ADGRG6: variants seen among roughly 807,000 people sequenced by gnomAD.
ADGRG6 encodes the protein G-protein coupled receptor 126.
In ADGRG6, 84 loss-of-function variants were observed where a neutral mutation model predicts 142.4. That is an observed-to-expected ratio of 0.59 (90% CI 0.49 to 0.71). ADGRG6 has a LOEUF of 0.71. ADGRG6 is among the 30% of genes least tolerant of loss of function. The pLI, the probability that ADGRG6 is intolerant of heterozygous loss-of-function variation, is 0.00. For missense variants in ADGRG6, 1,367 were observed against 1,466.6 expected, an observed-to-expected ratio of 0.93 and a Z score of 1.11; for synonymous variants, 521 against 520.5, an observed-to-expected ratio of 1.00 and a Z score of -0.01.
intron 17 of ADGRG6, 129 bp from the exon 18 acceptor site, chr6:142,411,176 G>T: frequency 3.4e-6 from 2 of 583,056 alleles, no homozygotes; most frequent in Non-Finnish European, 6.3e-6. Flanking sequence ...TTTCATAATG[G>T]TATCCATTTT....
chr6:142,341,674 C>CAT (rs1467556923), intron 2 of ADGRG6, among the ~76,000 whole-genome samples: 2 of 125,836 alleles, frequency 1.6e-5, no homozygotes, highest in Non-Finnish European at 3.2e-5. Flanking sequence ...TATAATATTA[C>CAT]ATATATATAA....
intron 2 of ADGRG6, among the ~76,000 whole-genome samples, chr6:142,324,168 TA>T (rs528792431): frequency 5.9e-4 from 90 of 152,200 alleles, no homozygotes; most frequent in African/African-American, 2.1e-3. Flanking sequence ...TCAGCTTCTG[TA>T]AAACAGAAAA....
At chr6:142,393,341 G>T (rs1303848243) in intron 8 of ADGRG6, among the ~76,000 whole-genome samples, 2 of 152,096 alleles carry the variant, frequency 1.3e-5, no homozygotes, top group Non-Finnish European at 2.9e-5. Flanking sequence ...CTGGTTGTGT[G>T]TACCCATTTC....
intron 24 of ADGRG6, among the ~76,000 whole-genome samples, chr6:142,441,117 A>T (rs895802358): frequency 6.6e-6 from 1 of 152,314 alleles, no homozygotes; most frequent in African/African-American, 2.4e-5. Flanking sequence ...GAAGTTTTGA[A>T]TGATAGTGTG....
chr6:142,310,955 TTCATTTTTGTTAGG>T (rs111429861), intron 2 of ADGRG6, among the ~76,000 whole-genome samples: 2,926 of 152,028 alleles, frequency 0.019, 94 homozygotes, highest in African/African-American at 0.067. Context: ...TCTGTTTACT[TTCATTTTTGTTAGG>T]TCATGTATTT....
At chr6:142,385,732 G>T (rs1327524693) in intron 6 of ADGRG6, among the ~76,000 whole-genome samples, 2 of 151,992 alleles carry the variant, frequency 1.3e-5, no homozygotes, top group Admixed American at 1.3e-4. Context: ...AAGTATTAGA[G>T]ACAGACTATA....
In ADGRG6 at chr6:142,370,137, C is replaced by T. The variant is rs181997455; in HGVS notation, c.446-33C>T. 5.2e-6 allele frequency: 8 copies of T among 1,552,048 alleles called. No homozygotes were observed. The African/African-American group carries it at 1.1e-4, about 21-fold the overall frequency. On this transcript the variant is annotated intron_variant, in intron 3 of 24. Coordinates refer to ENST00000367609, the MANE Select transcript of ADGRG6 (RefSeq NM_198569.3). ...ACATTAGTCTGTGTTCTGAAGTTAA[C>T]AGGTTTATCTTTCTTGTTATGTTTT... is the stretch of plus-strand genomic sequence containing the variant.
chr6:142,404,709 C>T (rs1019211707), intron 14 of ADGRG6, among the ~76,000 whole-genome samples: 1 of 152,050 alleles, frequency 6.6e-6, no homozygotes, highest in Non-Finnish European at 1.5e-5. Flanking sequence ...ATTTCTGGGA[C>T]CTACTCCAGG....
intron 1 of ADGRG6, 112 bp downstream of exon 1, chr6:142,302,443 C>T (rs2114464266): frequency 8.9e-7 from 1 of 1,127,932 alleles, no homozygotes; most frequent in Non-Finnish European, 1.3e-6. Flanking sequence ...ATAAGGACTT[C>T]AACTGCACGG....
chr6:142,379,684 G>A (rs971998578), intron 4 of ADGRG6, among the ~76,000 whole-genome samples: 6 of 152,164 alleles, frequency 3.9e-5, no homozygotes, highest in South Asian at 2.1e-4. Flanking sequence ...GGAGAATGGC[G>A]GGAACCCGGG....
intron 11 of ADGRG6, among the ~76,000 whole-genome samples, chr6:142,401,516 G>A (rs1460907009): frequency 1.3e-5 from 2 of 152,064 alleles, no homozygotes; most frequent in African/African-American, 4.8e-5. Flanking sequence ...AGAATTTTTA[G>A]CATGAAATTT....
Position 142,381,319 on chromosome 6 carries a change from T to C in ADGRG6, c.1070-632T>C, listed in dbSNP as rs192432030. On this transcript the variant is annotated intron_variant, in intron 4 of 24. Transcript: ENST00000367609. ...GTTTATGATACAATATGCTTTGTTA[T>C]AAGCTTAGCCAATTTTTCTCAGACT... Among the ~76,000 whole-genome samples the C allele has an allele frequency of 1.2e-3, 180 of 152,346 alleles. 1 individual carries two copies. Among genetic ancestry groups the C allele is most frequent in the Non-Finnish European group, 2.9e-4 (20 of 68,024 alleles).
intron 17 of ADGRG6, 73 bp from the exon 18 acceptor site, chr6:142,411,232 A>G (rs1030810494): frequency 9.8e-5 from 80 of 816,050 alleles, no homozygotes; most frequent in Non-Finnish European, 4.4e-5. Context: ...AAATTTCTCT[A>G]TAGAAGGTCT....
At chr6:142,370,814 T>C (rs921460509) in intron 4 of ADGRG6, 21 bp downstream of exon 4, 35 of 171,626 alleles carry the variant, frequency 2.0e-4, no homozygotes, top group African/African-American at 1.0e-3. Flanking sequence ...AGCGTATTCC[T>C]TTTTTTTTTT....
At chr6:142,308,448 C>T (rs1480174983) in intron 1 of ADGRG6, among the ~76,000 whole-genome samples, 2 of 151,932 alleles carry the variant, frequency 1.3e-5, no homozygotes, top group African/African-American at 4.8e-5. Context: ...TCTAATTTTG[C>T]TCATTTGAGT....
chr6:142,306,137 G>C (rs558181408), intron 1 of ADGRG6, among the ~76,000 whole-genome samples: 1 of 152,290 alleles, frequency 6.6e-6, no homozygotes, highest in South Asian at 2.1e-4. Flanking sequence ...GATTGCATTA[G>C]TATCGTATCA....
At chr6:142,366,383 A>C (rs1305800746) in intron 2 of ADGRG6, among the ~76,000 whole-genome samples, 1 of 152,168 alleles carries the variant, frequency 6.6e-6, no homozygotes, top group Non-Finnish European at 1.5e-5. Context: ...TAATTTTTCC[A>C]TTCCTGTGAT....
chr6:142,413,899 T>TCTCACACACACACA (rs200677950), intron 18 of ADGRG6, among the ~76,000 whole-genome samples: 71 of 141,486 alleles, frequency 5.0e-4, no homozygotes, highest in African/African-American at 1.7e-3. Flanking sequence ...CATTTCTTTA[T>TCTCACACACACACA]CACACACACA....
chr6:142,407,170 T>TAAAAA (rs11414768), intron 15 of ADGRG6, among the ~76,000 whole-genome samples: 3 of 121,028 alleles, frequency 2.5e-5, no homozygotes, highest in African/African-American at 6.5e-5. Flanking sequence ...CCCGTCTCTT[T>TAAAAA]AAAAAAAAAA....
Sources: gnomAD v4.1 joint callset for allele counts (sites outside exome capture counted in the v4.1 genomes callset) on GRCh38, gnomAD v4.1.1 for gene constraint, MANE v1.5 for transcripts, NCBI Gene and HGNC (gene_info 2026-07-23, HGNC 2026-07-21) for gene names.